Variants in ZNF362 observed in about 807,000 individuals in gnomAD.
ZNF362 encodes the protein rotund homolog.
ZNF362 carries 11 observed loss-of-function variants against 42.9 expected under a neutral mutation model. That is an observed-to-expected ratio of 0.26 (90% CI 0.16 to 0.42). The LOEUF is 0.42. Among genes scored for constraint, ZNF362 ranks in the 20% least tolerant of loss-of-function variants. The pLI, the probability that ZNF362 is intolerant of heterozygous loss-of-function variation, is 1.00. For missense variants in ZNF362, 362 were observed against 576.2 expected (o/e 0.63, Z 3.81); for synonymous variants, 255 against 257.3 (o/e 0.99, Z 0.09).
chr1:33,201,076 T>G, the ZNF362 span, among the ~76,000 whole-genome samples: 1 of 152,252 alleles, frequency 6.6e-6, no homozygotes. Context: ...ATTTTTTTTT[T>G]GTTTAAGCCA....
chr1:33,158,401 G>A, the ZNF362 span: 6 of 1,593,818 alleles, frequency 3.8e-6, no homozygotes, highest in Non-Finnish European at 4.3e-6. Context: ...GGCTGCACCA[G>A]GGACTGGATT....
At chr1:33,187,309 G>T in the ZNF362 span, among the ~76,000 whole-genome samples, 1 of 152,228 alleles carries the variant, frequency 6.6e-6, no homozygotes, top group Admixed American at 6.5e-5. Context: ...ACATTGACAG[G>T]TTTGAGGGAC....
At chr1:33,211,293 T>A in the ZNF362 span, among the ~76,000 whole-genome samples, 1 of 152,158 alleles carries the variant, frequency 6.6e-6, no homozygotes, top group East Asian at 1.9e-4. Context: ...TGCTAGCTGG[T>A]TATTTCACTG....
the ZNF362 span, among the ~76,000 whole-genome samples, chr1:33,182,651 G>A: frequency 6.6e-6 from 1 of 151,606 alleles, no homozygotes; most frequent in Non-Finnish European, 1.5e-5. Flanking sequence ...GGTGAGGGGT[G>A]GAGCAGGAGA....
At chr1:33,268,314 A>G (rs1645878515) in intron 1 of ZNF362, among the ~76,000 whole-genome samples, 1 of 152,214 alleles carries the variant, frequency 6.6e-6, no homozygotes. Context: ...GCTTCCTTCC[A>G]TCCAGGCCAC....
the ZNF362 span, chr1:33,145,542 G>A: frequency 5.7e-6 from 1 of 173,926 alleles, no homozygotes; most frequent in Non-Finnish European, 1.2e-5. Context: ...TTTGCCCAAG[G>A]GAGGCCCGGG....
At chr1:33,238,785 A>G in the ZNF362 span, among the ~76,000 whole-genome samples, 2 of 152,046 alleles carry the variant, frequency 1.3e-5, no homozygotes, top group African/African-American at 2.4e-5. Flanking sequence ...CACCCCCCTG[A>G]GCGTTCTATC....
chr1:33,284,337 C>G (rs1438165319), intron 6 of ZNF362, among the ~76,000 whole-genome samples: 1 of 152,216 alleles, frequency 6.6e-6, no homozygotes, highest in African/African-American at 2.4e-5. Flanking sequence ...TTGTCTTTAA[C>G]TGTGACATTT....
chr1:33,276,294 G>A (rs12743740), intron 3 of ZNF362, 54 bp from the exon 4 acceptor site: 332,288 of 1,539,430 alleles, frequency 0.22, 37,908 homozygotes, highest in South Asian at 0.27. Context: ...GCGGGCCTGG[G>A]CAAGGGGCGG....
chr1:33,279,553 T>G (rs1214375885), intron 4 of ZNF362, among the ~76,000 whole-genome samples: 1 of 152,160 alleles, frequency 6.6e-6, no homozygotes, highest in African/African-American at 2.4e-5. Flanking sequence ...CAGTTGATAT[T>G]ATGTTTCTAG....
intron 8 of ZNF362, among the ~76,000 whole-genome samples, chr1:33,297,490 T>C (rs1214580600): frequency 6.6e-6 from 1 of 151,208 alleles, no homozygotes; most frequent in Non-Finnish European, 1.5e-5. Flanking sequence ...AATGCCATGA[T>C]TTGGTGTATT....
chr1:33,236,797 G>C, the ZNF362 span, among the ~76,000 whole-genome samples: 1 of 151,540 alleles, frequency 6.6e-6, no homozygotes, highest in Admixed American at 6.6e-5. Flanking sequence ...ATATCACATT[G>C]TGGCCAAGCA....
the ZNF362 span, chr1:33,142,689 TTAACCTCCCACTTTA>T: frequency 6.6e-6 from 1 of 152,252 alleles, no homozygotes; most frequent in Non-Finnish European, 1.5e-5. Context: ...GGAGCCTGGT[TTAACCTCCCACTTTA>T]AATCCCAGGG....
chr1:33,172,927 A>T, the ZNF362 span, among the ~76,000 whole-genome samples: 13 of 152,184 alleles, frequency 8.5e-5, no homozygotes, highest in Admixed American at 8.5e-4. Flanking sequence ...CAGTGTTGTG[A>T]TGAAGGCTAA....
chr1:33,140,950 T>C, the ZNF362 span, among the ~76,000 whole-genome samples: 1 of 152,150 alleles, frequency 6.6e-6, no homozygotes, highest in Non-Finnish European at 1.5e-5. This position sits in a 1 kb window ranked among gnomAD's most constrained non-coding sequence, Gnocchi z 4.0. Flanking sequence ...GAGACTGAAG[T>C]TTGCATGAAA....
the ZNF362 span, among the ~76,000 whole-genome samples, chr1:33,221,289 G>A: frequency 1.3e-5 from 2 of 152,202 alleles, no homozygotes; most frequent in Non-Finnish European, 2.9e-5. Flanking sequence ...ACTGTGGGTG[G>A]GGATCCTGGG....
chr1:33,165,558 C>G, the ZNF362 span: 1 of 1,607,806 alleles, frequency 6.2e-7, no homozygotes, highest in African/African-American at 1.3e-5. The surrounding 1 kb of genome is among the most constrained non-coding windows in gnomAD (Gnocchi z 4.0). Flanking sequence ...GTTGGTCCTT[C>G]AGCTCCCTCT....
the ZNF362 span, among the ~76,000 whole-genome samples, chr1:33,193,581 G>A: frequency 4.6e-5 from 7 of 152,180 alleles, no homozygotes; most frequent in South Asian, 2.1e-4. Flanking sequence ...ATGCAGAGAC[G>A]GGATTAGGAG....
At chr1:33,139,141 C>T in the ZNF362 span, among the ~76,000 whole-genome samples, 1 of 152,124 alleles carries the variant, frequency 6.6e-6, no homozygotes, top group African/African-American at 2.4e-5. Flanking sequence ...AAAAAGCAAA[C>T]AAATAACTTT....
Sources: gnomAD v4.1 joint callset for allele counts (sites outside exome capture counted in the v4.1 genomes callset) on GRCh38, gnomAD v4.1.1 for gene constraint, Gnocchi (gnomAD v3.1) non-coding constraint, MANE v1.5 for transcripts, NCBI Gene and HGNC (gene_info 2026-07-23, HGNC 2026-07-21) for gene names.